The following DMD variants were observed in gnomAD, a reference collection of about 807,000 sequenced individuals.
DMD encodes the protein dystrophin.
In DMD, 63 loss-of-function variants were observed where a neutral mutation model predicts 330.1. The ratio of observed to expected loss-of-function variants is 0.19; its 90% confidence interval spans 0.16 to 0.24. The LOEUF (loss-of-function observed/expected upper bound fraction) is 0.24. Among genes scored for constraint, DMD ranks in the 10% least tolerant of loss-of-function variants. The pLI, the probability that DMD is intolerant of heterozygous loss-of-function variation, is 1.00. For missense variants in DMD, 3,344 were observed against 2,684.1 expected (o/e 1.25, Z -5.43); for synonymous variants, 1,223 against 959.8 (o/e 1.27, Z -5.07).
intron 61 of DMD, among the ~76,000 whole-genome samples, chrX:31,327,161 G>A (rs2056840394): frequency 8.9e-6 from 1 of 112,001 alleles, no homozygotes; most frequent in Admixed American, 9.5e-5. Context: ...ATTATCATAC[G>A]GCACCAGCAT....
chrX:32,462,991 C>T (rs754905471), intron 25 of DMD, among the ~76,000 whole-genome samples: 1 of 110,940 alleles, frequency 9.0e-6, no homozygotes, highest in African/African-American at 3.3e-5. Flanking sequence ...ATAAATGTGT[C>T]GAAGAGGCCA....
chrX:33,291,732 C>A (rs1276270619), intron 1 of DMD, among the ~76,000 whole-genome samples: 1 of 110,811 alleles, frequency 9.0e-6, no homozygotes, highest in Non-Finnish European at 1.9e-5. Context: ...ATATATGTTA[C>A]CCTAAAAATC....
chrX:32,536,320 G>A (rs983756630), intron 17 of DMD, among the ~76,000 whole-genome samples: 3 of 107,221 alleles, frequency 2.8e-5, no homozygotes, highest in Non-Finnish European at 3.8e-5. Flanking sequence ...CCTCTGCAAG[G>A]TTAGATAACC....
intron 13 of DMD, among the ~76,000 whole-genome samples, chrX:32,574,409 AAACT>A (rs2052779247): frequency 8.9e-6 from 1 of 112,121 alleles, no homozygotes; most frequent in Non-Finnish European, 1.9e-5. Flanking sequence ...TCTAGTGAGA[AAACT>A]AACAATCTCT....
intron 60 of DMD, among the ~76,000 whole-genome samples, chrX:31,376,881 CAG>C (rs2148692551): frequency 8.9e-6 from 1 of 111,890 alleles, no homozygotes; most frequent in South Asian, 3.7e-4. Flanking sequence ...ATGATTACAG[CAG>C]AGAGAGCTTG....
rs761063664 is a variant in DMD, at chrX:31,315,403, C to T, written c.9224+8195G>A. Among the ~76,000 whole-genome samples, 7 of 111,937 alleles carry T rather than the reference C, an allele frequency of 6.3e-5. No homozygotes were observed. In the East Asian group the frequency reaches 1.9e-3, roughly 31 times the overall value. On this transcript the variant is annotated intron_variant, in intron 62 of 78. Transcript: ENST00000357033. ...AAAGTAGAATGGGTGTCACGTTAAG[C>T]AAATGGCTCAAACGAACAGAGTTGG...
intron 55 of DMD, among the ~76,000 whole-genome samples, chrX:31,578,663 C>T (rs1256500805): frequency 8.9e-6 from 1 of 111,773 alleles, no homozygotes; most frequent in Non-Finnish European, 1.9e-5. Flanking sequence ...GATGCGCTAC[C>T]AGAGCCACTT....
At chrX:31,951,010 C>T (rs935222219) in intron 45 of DMD, among the ~76,000 whole-genome samples, 29 of 104,217 alleles carry the variant, frequency 2.8e-4, no homozygotes, top group African/African-American at 9.0e-4. Context: ...ATCCAAAATG[C>T]TTGGGATTGG....
intron 1 of DMD, among the ~76,000 whole-genome samples, chrX:33,164,828 C>T (rs2048973258): frequency 9.0e-6 from 1 of 110,631 alleles, no homozygotes; most frequent in Admixed American, 9.7e-5. Flanking sequence ...CCTACAGAGG[C>T]CAGATGGGAC....
intron 60 of DMD, among the ~76,000 whole-genome samples, chrX:31,420,067 G>C (rs1037973193): frequency 1.7e-4 from 19 of 111,740 alleles, no homozygotes; most frequent in African/African-American, 5.2e-4. Context: ...TTGACTGCCT[G>C]TTGGCAAAAA....
At chrX:31,871,481 G>GA (rs1256172530) in intron 48 of DMD, among the ~76,000 whole-genome samples, 3 of 110,437 alleles carry the variant, frequency 2.7e-5, no homozygotes, top group Non-Finnish European at 3.8e-5. Flanking sequence ...GGCTCACAGA[G>GA]AGAGGGTATT....
At chrX:32,726,533 G>T (rs1184695711) in intron 7 of DMD, among the ~76,000 whole-genome samples, 2 of 111,091 alleles carry the variant, frequency 1.8e-5, no homozygotes, top group African/African-American at 6.5e-5. Flanking sequence ...CCTGGAAAGG[G>T]TAGCTTTTAC....
At chrX:32,001,685 C>T (rs987696787) in intron 44 of DMD, among the ~76,000 whole-genome samples, 15 of 111,408 alleles carry the variant, frequency 1.3e-4, no homozygotes, top group African/African-American at 4.6e-4. Flanking sequence ...AAAATCAAAT[C>T]GGTCGATTTA....
At chrX:32,611,139 G>C (rs16990505) in intron 12 of DMD, among the ~76,000 whole-genome samples, 5,880 of 109,716 alleles carry the variant, frequency 0.054, 153 homozygotes, top group African/African-American at 0.079. Context: ...CAAAATTGTT[G>C]CCAAGAAACA....
chrX:31,966,097 A>T (rs1196160859), intron 45 of DMD, among the ~76,000 whole-genome samples: 2 of 111,198 alleles, frequency 1.8e-5, no homozygotes, highest in Non-Finnish European at 3.8e-5. Context: ...ATTACAAACG[A>T]AGACTACTGT....
chrX:31,448,030 A>AAAAG (rs1569543154), intron 59 of DMD, among the ~76,000 whole-genome samples: 1 of 108,250 alleles, frequency 9.2e-6, no homozygotes, highest in Non-Finnish European at 1.9e-5. Flanking sequence ...AAAAAAAAAA[A>AAAAG]AAAGAAAAAA....
chrX:32,117,421 A>G (rs1280300903), intron 44 of DMD, among the ~76,000 whole-genome samples: 1 of 112,182 alleles, frequency 8.9e-6, no homozygotes, highest in Non-Finnish European at 1.9e-5. Context: ...CACAGAATCC[A>G]GGTCCCAGCA....
rs781634422 is a variant in DMD, at chrX:32,183,596, A to G, written c.6438+33320T>C. ...AATATATATATATATATATGTATGT[A>G]TACATAGAGAGAATCTAAAAAATAC... is the stretch of plus-strand genomic sequence containing the variant. On this transcript the variant is annotated intron_variant, in intron 44 of 78. Transcript: ENST00000357033. 2.5e-4 allele frequency among the ~76,000 whole-genome samples: 26 copies of G among 104,647 alleles called. No individual in the cohort carries two copies. In the South Asian group the frequency reaches 0.01, roughly 41 times the overall value. 90.9% of individuals were successfully genotyped at this position (104,647 alleles called of 115,157 possible). A position where few individuals can be genotyped will look rare whatever the true frequency, so the allele number is the denominator to read the frequency against.
intron 47 of DMD, among the ~76,000 whole-genome samples, chrX:31,913,751 AAAC>A (rs1156251695): frequency 9.0e-6 from 1 of 111,360 alleles, no homozygotes. Flanking sequence ...AAACAAAACA[AAAC>A]AAAACAAAAC....
Sources: allele counts gnomAD v4.1 joint callset (sites outside exome capture counted in the v4.1 genomes callset), GRCh38; gene constraint gnomAD v4.1.1; transcripts MANE v1.5; gene names NCBI Gene and HGNC (gene_info 2026-07-23, HGNC 2026-07-21).